FOXP1: variants seen among roughly 807,000 people sequenced by gnomAD.
FOXP1 encodes forkhead box protein P1.
In FOXP1, 15 loss-of-function variants were observed where a neutral mutation model predicts 98.2. The ratio of observed to expected loss-of-function variants is 0.15; its 90% CI spans 0.10 to 0.24. FOXP1 has a LOEUF of 0.24. Ranked by LOEUF, FOXP1 falls within the 10% of genes least tolerant of loss-of-function variation. FOXP1 has a pLI of 1.00. For missense variants in FOXP1, 633 were observed against 848.5 expected, an observed-to-expected ratio of 0.75 and a Z score of 3.15; for synonymous variants, 371 against 314.5, an observed-to-expected ratio of 1.18 and a Z score of -1.90.
chr3:71,325,685 C>T (rs1285459202), intron 4 of FOXP1, among the ~76,000 whole-genome samples: 1 of 147,722 alleles, frequency 6.8e-6, no homozygotes, highest in African/African-American at 2.5e-5. Flanking sequence ...ATTATTATCA[C>T]TATTTTAGAG....
chr3:71,025,385 T>C (rs1029539926), intron 11 of FOXP1, among the ~76,000 whole-genome samples: 5 of 152,186 alleles, frequency 3.3e-5, no homozygotes, highest in African/African-American at 9.7e-5. Context: ...TGCTGGGCCA[T>C]GGACCATAAC....
At chr3:71,079,598 A>G (rs2054196808) in intron 7 of FOXP1, among the ~76,000 whole-genome samples, 1 of 152,180 alleles carries the variant, frequency 6.6e-6, no homozygotes, top group Admixed American at 6.5e-5. Flanking sequence ...GTTTCACAAC[A>G]TCTAAACTGG....
intron 3 of FOXP1, among the ~76,000 whole-genome samples, chr3:71,390,432 G>T (rs2080945798): frequency 6.6e-6 from 1 of 152,166 alleles, no homozygotes; most frequent in Non-Finnish European, 1.5e-5. Context: ...AAATGCAAAG[G>T]AAGTGTTCAC....
chr3:70,978,117 G>T, intron 14 of FOXP1, 88 bp from the exon 15 acceptor site: 1 of 1,062,134 alleles, frequency 9.4e-7, no homozygotes, highest in Non-Finnish European at 1.5e-6. Context: ...CACAGAGGAT[G>T]CGTGGGCACC....
intron 5 of FOXP1, among the ~76,000 whole-genome samples, chr3:71,247,761 C>T (rs1302977419): frequency 6.6e-6 from 1 of 152,200 alleles, no homozygotes; most frequent in African/African-American, 2.4e-5. Context: ...TCACAGGAGG[C>T]TGATGCATCT....
chr3:71,322,011 CTG>C (rs1201828281), intron 4 of FOXP1, among the ~76,000 whole-genome samples: 2 of 152,110 alleles, frequency 1.3e-5, no homozygotes, highest in African/African-American at 4.8e-5. Context: ...GTAATGAGAT[CTG>C]TGTGTCAGAT....
intron 5 of FOXP1, among the ~76,000 whole-genome samples, chr3:71,202,027 G>C (rs960189784): frequency 4.6e-5 from 7 of 152,216 alleles, no homozygotes; most frequent in Non-Finnish European, 7.3e-5. Context: ...AGGTGTCTAA[G>C]AGATTGGTCC....
intron 12 of FOXP1, among the ~76,000 whole-genome samples, chr3:71,003,225 C>T (rs17008127): frequency 0.1 from 15,744 of 152,144 alleles, 1,228 homozygotes; most frequent in African/African-American, 0.22. Context: ...TTGATTACTC[C>T]GCTAGCAGTG....
chr3:71,373,897 G>A (rs1260487352), intron 3 of FOXP1, among the ~76,000 whole-genome samples: 1 of 152,188 alleles, frequency 6.6e-6, no homozygotes, highest in Non-Finnish European at 1.5e-5. Context: ...GCTATACACT[G>A]GGGTTTGCTG....
At chr3:71,407,089 T>C (rs2082400750) in intron 3 of FOXP1, among the ~76,000 whole-genome samples, 1 of 152,124 alleles carries the variant, frequency 6.6e-6, no homozygotes, top group African/African-American at 2.4e-5. Context: ...TTCTGCTTGA[T>C]TCTAAATACA....
chr3:71,099,498 C>A (rs905043586), intron 7 of FOXP1, among the ~76,000 whole-genome samples: 1 of 151,962 alleles, frequency 6.6e-6, no homozygotes, highest in African/African-American at 2.4e-5. Flanking sequence ...GGCGACAGAT[C>A]GAGACTCCAT....
intron 2 of FOXP1, among the ~76,000 whole-genome samples, chr3:71,560,775 T>C (rs1274328250): frequency 6.6e-6 from 1 of 152,074 alleles, no homozygotes; most frequent in Admixed American, 6.5e-5. Flanking sequence ...TCCTTGAAAA[T>C]ATCCTGACTG....
chr3:71,153,949 T>A (rs542104735), intron 6 of FOXP1, among the ~76,000 whole-genome samples: 9 of 152,152 alleles, frequency 5.9e-5, no homozygotes, highest in Non-Finnish European at 1.2e-4. Flanking sequence ...GCATACTAGG[T>A]CCATAGTGAT....
At chr3:71,432,310 C>T (rs1041479109) in intron 3 of FOXP1, among the ~76,000 whole-genome samples, 2 of 152,152 alleles carry the variant, frequency 1.3e-5, no homozygotes, top group African/African-American at 4.8e-5. Flanking sequence ...CTGCACCCAT[C>T]GAGTTGATTT....
intron 2 of FOXP1, among the ~76,000 whole-genome samples, chr3:71,524,575 C>T (rs1356864507): frequency 4.1e-5 from 6 of 144,982 alleles, no homozygotes; most frequent in Non-Finnish European, 9.0e-5. Context: ...AATTAAGACA[C>T]AAGTGTTTAA....
chr3:71,232,877 C>CCAAAAAAAAAAAAAAAAA (rs1553791711), intron 5 of FOXP1, among the ~76,000 whole-genome samples: 8 of 31,422 alleles, frequency 2.5e-4, no homozygotes, highest in African/African-American at 8.5e-4. Flanking sequence ...AACTCTGTCT[C>CCAAAAAAAAAAAAAAAAA]AAAAAAAAAA....
At chr3:71,404,961 G>A (rs1054559006) in intron 3 of FOXP1, among the ~76,000 whole-genome samples, 10 of 152,084 alleles carry the variant, frequency 6.6e-5, no homozygotes, top group South Asian at 2.1e-4. Flanking sequence ...ATGGTTTATC[G>A]TGCAGAGACT....
intron 3 of FOXP1, among the ~76,000 whole-genome samples, chr3:71,369,952 A>T (rs1233289379): frequency 1.3e-5 from 2 of 152,210 alleles, no homozygotes; most frequent in Non-Finnish European, 2.9e-5. Context: ...AATGATTAAC[A>T]CACAGATGTA....
At chr3:71,218,006 C>T (rs1280811140) in intron 5 of FOXP1, among the ~76,000 whole-genome samples, 1 of 152,194 alleles carries the variant, frequency 6.6e-6, no homozygotes, top group Non-Finnish European at 1.5e-5. Context: ...CCTGGCTCCA[C>T]CTCTGCAAGC....
Sources: gnomAD v4.1 joint callset for allele counts (sites outside exome capture counted in the v4.1 genomes callset) on GRCh38, gnomAD v4.1.1 for gene constraint, MANE v1.5 for transcripts, NCBI Gene and HGNC (gene_info 2026-07-23, HGNC 2026-07-21) for gene names.